Variants in TECRL observed in about 807,000 individuals in gnomAD.
TECRL encodes trans-2,3-enoyl-CoA reductase-like.
TECRL carries 63 observed loss-of-function variants against 52.8 expected under a neutral mutation model. That is an observed-to-expected ratio of 1.19 (90% CI 0.97 to 1.47). The LOEUF (loss-of-function observed/expected upper bound fraction) is 1.47. TECRL is among the 40% of genes most tolerant of loss of function. The pLI, the probability that TECRL is intolerant of heterozygous loss-of-function variation, is 0.00. For missense variants in TECRL, 482 were observed against 429.6 expected (o/e 1.12, Z -1.08); for synonymous variants, 164 against 141.9 (o/e 1.16, Z -1.10).
At chr4:64,366,128 T>A (rs1032622973) in intron 2 of TECRL, among the ~76,000 whole-genome samples, 1 of 152,050 alleles carries the variant, frequency 6.6e-6, no homozygotes, top group Non-Finnish European at 1.5e-5. Context: ...TAACAAGGAA[T>A]GAAGAAAAGG....
chr4:64,279,952 T>C lies in TECRL; in HGVS notation c.*120A>G, dbSNP rs1197091207. 3.1e-6 allele frequency: 4 copies of C among 1,274,554 alleles called. No individual in the cohort carries two copies. Among genetic ancestry groups the C allele is most frequent in the Non-Finnish European group, 4.0e-6 (4 of 1,000,734 alleles). The allele number at this position is 1,274,554 out of a possible 1,614,324, so 79.0% of individuals were successfully genotyped here. A position where few individuals can be genotyped will look rare whatever the true frequency, so the allele number is the denominator to read the frequency against. On this transcript the variant is annotated 3_prime_UTR_variant, in exon 12 of 12. Transcript: ENST00000381210. ...GTGAAATTTTACTATTTTATATTTT[T>C]ACTCAGTGTATATACTGTTGCTCAT... is the stretch of plus-strand genomic sequence containing the variant.
At chr4:64,396,446 T>G (rs192200752) in intron 1 of TECRL, among the ~76,000 whole-genome samples, 269 of 152,262 alleles carry the variant, frequency 1.8e-3, no homozygotes, top group African/African-American at 6.3e-3. Context: ...TTTTTTCATA[T>G]TCTTGTTGGT....
chr4:64,354,415 T>A (rs1302618042), intron 2 of TECRL, among the ~76,000 whole-genome samples: 1 of 152,186 alleles, frequency 6.6e-6, no homozygotes, highest in East Asian at 1.9e-4. Flanking sequence ...CCTGATGAAC[T>A]AGGAGACAAA....
At chr4:64,281,783 G>A (rs1722841690) in intron 9 of TECRL, among the ~76,000 whole-genome samples, 1 of 151,768 alleles carries the variant, frequency 6.6e-6, no homozygotes, top group Non-Finnish European at 1.5e-5. Context: ...CATGTCTACA[G>A]CTATGTTGCT....
chr4:64,326,654 G>A (rs936777212), intron 3 of TECRL, among the ~76,000 whole-genome samples: 1 of 152,072 alleles, frequency 6.6e-6, no homozygotes, highest in Non-Finnish European at 1.5e-5. Flanking sequence ...TGTGGTTATT[G>A]TAGACCAATC....
At chr4:64,372,587 T>C (rs376298605) in intron 2 of TECRL, among the ~76,000 whole-genome samples, 3 of 151,556 alleles carry the variant, frequency 2.0e-5, no homozygotes, top group African/African-American at 7.2e-5. Flanking sequence ...CATATTACAG[T>C]AAAAAAAGTT....
intron 6 of TECRL, among the ~76,000 whole-genome samples, chr4:64,306,487 C>T (rs1724348614): frequency 6.6e-6 from 1 of 152,116 alleles, no homozygotes; most frequent in South Asian, 2.1e-4. Context: ...TCTTTTGAGA[C>T]TATCATCGTT....
intron 2 of TECRL, among the ~76,000 whole-genome samples, chr4:64,339,086 T>C (rs900444788): frequency 6.6e-6 from 1 of 151,846 alleles, no homozygotes; most frequent in Non-Finnish European, 1.5e-5. Flanking sequence ...ATATACACCA[T>C]GGAATACTAT....
intron 3 of TECRL, among the ~76,000 whole-genome samples, chr4:64,326,470 G>A (rs140650009): frequency 1.3e-5 from 2 of 152,048 alleles, no homozygotes; most frequent in South Asian, 2.1e-4. Flanking sequence ...CTTGAATATG[G>A]GCTAACTAGT....
At chr4:64,358,159 T>C (rs1332590356) in intron 2 of TECRL, among the ~76,000 whole-genome samples, 3 of 151,792 alleles carry the variant, frequency 2.0e-5, no homozygotes, top group Admixed American at 6.6e-5. Flanking sequence ...GGAGATAAAA[T>C]TCAGCGATGT....
At chr4:64,402,144 C>A (rs1003281996) in intron 1 of TECRL, among the ~76,000 whole-genome samples, 5 of 151,936 alleles carry the variant, frequency 3.3e-5, no homozygotes, top group African/African-American at 1.2e-4. Context: ...TTTTTCTGAA[C>A]CCAAGATAGT....
At chr4:64,358,632 T>C (rs1720954107) in intron 2 of TECRL, among the ~76,000 whole-genome samples, 1 of 151,716 alleles carries the variant, frequency 6.6e-6, no homozygotes, top group Non-Finnish European at 1.5e-5. Context: ...CTGGTATATA[T>C]ATCTTATTAT....
chr4:64,287,542 A>G (rs1723141514), intron 9 of TECRL, among the ~76,000 whole-genome samples: 1 of 152,128 alleles, frequency 6.6e-6, no homozygotes, highest in Non-Finnish European at 1.5e-5. Context: ...GAATCCCTAC[A>G]TGTAATTGAG....
At chr4:64,286,299 C>T (rs752675655) in intron 9 of TECRL, among the ~76,000 whole-genome samples, 1 of 151,830 alleles carries the variant, frequency 6.6e-6, no homozygotes, top group Non-Finnish European at 1.5e-5. Flanking sequence ...AAGGAAGAAA[C>T]TTTCCCAGTA....
At position 64,280,180 on chromosome 4, in the gene TECRL, C is replaced by G; in HGVS notation, c.984G>C (p.Leu328=). The G allele has an allele frequency of 6.5e-7, 1 of 1,536,686 alleles. No individual in the cohort carries two copies. Among genetic ancestry groups the G allele is most frequent in the Non-Finnish European group, 8.7e-7 (1 of 1,145,544 alleles). ...CCCACAAAGACATCTGGATACTCAT[C>G]AGAAGTGTAAAAATTCCAACTAGAA... The part of the protein sequence containing the change: ...QTLPVGIFTL[L]MSIQMSLWAQ... Residue 328 remains leucine (L), a synonymous_variant, in exon 12 of 12, where the codon CTG becomes CTC. Coordinates refer to ENST00000381210, the MANE Select transcript of TECRL (RefSeq NM_001010874.5).
intron 2 of TECRL, among the ~76,000 whole-genome samples, chr4:64,368,637 AG>A (rs1721779089): frequency 6.6e-6 from 1 of 152,116 alleles, no homozygotes; most frequent in Non-Finnish European, 1.5e-5. Context: ...GGAGAATCTT[AG>A]GTACTTTTTG....
chr4:64,359,515 TAA>T (rs59405475), intron 2 of TECRL, among the ~76,000 whole-genome samples: 4 of 151,214 alleles, frequency 2.6e-5, no homozygotes, highest in Non-Finnish European at 5.9e-5. Context: ...TGATGATTAT[TAA>T]AAAAAAAAGT....
chr4:64,311,308 A>G (rs1345327092), intron 5 of TECRL, among the ~76,000 whole-genome samples: 1 of 152,224 alleles, frequency 6.6e-6, no homozygotes, highest in Non-Finnish European at 1.5e-5. Context: ...TATAAGTATA[A>G]TGGCAGACAA....
intron 2 of TECRL, among the ~76,000 whole-genome samples, chr4:64,355,984 G>C (rs1720744774): frequency 6.6e-6 from 1 of 152,084 alleles, no homozygotes; most frequent in Admixed American, 6.5e-5. Context: ...TTTGCCTTGA[G>C]ATGCTGTTAA....
Sources: allele counts gnomAD v4.1 joint callset (sites outside exome capture counted in the v4.1 genomes callset), GRCh38; gene constraint gnomAD v4.1.1; transcripts MANE v1.5; gene names NCBI Gene and HGNC (gene_info 2026-07-23, HGNC 2026-07-21).